NLRP14: variants seen among roughly 807,000 people sequenced by gnomAD.
NLRP14 encodes the protein NACHT, LRR and PYD domains-containing protein 14.
NLRP14 carries 105 observed loss-of-function variants against 94.7 expected under a neutral mutation model. That is an observed-to-expected ratio of 1.11 (90% CI 0.95 to 1.30). The LOEUF (loss-of-function observed/expected upper bound fraction) is 1.30. NLRP14 is among the 50% of genes most tolerant of loss of function. The probability of loss-of-function intolerance (pLI) is 0.00; values close to 1 mark genes in which losing one functional copy is unlikely to be tolerated. For synonymous variants in NLRP14, 508 were observed against 459.9 expected, an observed-to-expected ratio of 1.10 and a Z score of -1.34; for missense variants, 1,362 against 1,254.1, an observed-to-expected ratio of 1.09 and a Z score of -1.30.
chr11:7,022,126 G>GT, intron 1 of NLRP14, among the ~76,000 whole-genome samples: 1 of 152,264 alleles, frequency 6.6e-6, no homozygotes, highest in East Asian at 1.9e-4. Flanking sequence ...TTTAGCAGGG[G>GT]TGCCCGGCCT....
chr11:7,036,032 A>AG (rs1405963993), intron 1 of NLRP14, among the ~76,000 whole-genome samples: 1 of 152,240 alleles, frequency 6.6e-6, no homozygotes, highest in Non-Finnish European at 1.5e-5. Context: ...TCAAACTTTC[A>AG]GGTCTGTTTT....
Position 7,057,745 on chromosome 11 carries a change from G to C in NLRP14, c.2360G>C (p.Ser787Thr). The C allele has an allele frequency of 6.2e-7, 1 of 1,612,234 alleles. No individual in the cohort carries two copies. Among genetic ancestry groups the C allele is most frequent in the South Asian group, 1.1e-5 (1 of 91,050 alleles). Reference protein sequence around the residue: ...NISNALIRSQSLIFLNLSTNN... With the variant: ...NISNALIRSQTLIFLNLSTNN... ...TCTAATGCTCTCATCAGAAGCCAGA[G>C]CCTGATATTTCTGAATCTGTCAACC... The change falls in exon 7 of 12, where the codon AGC becomes ACC. Residue 787 changes from serine (S) to threonine (T), a missense_variant. Coordinates refer to ENST00000299481, the MANE Select transcript of NLRP14 (RefSeq NM_176822.4).
chr11:7,027,294 A>G (rs938386675), intron 1 of NLRP14, among the ~76,000 whole-genome samples: 1 of 151,992 alleles, frequency 6.6e-6, no homozygotes, highest in Non-Finnish European at 1.5e-5. Flanking sequence ...GATGGTTGAC[A>G]ATGACAGAAA....
chr11:7,070,276 T>C lies in NLRP14; in HGVS notation c.2976-10T>C. ...AATTCATTTTTATCTTTTGTCTCTC[T>C]TCTCTACAGGTTGGAATACTGTGGT... On this transcript the variant is annotated splice_polypyrimidine_tract_variant and intron_variant, in intron 10 of 11. Transcript: ENST00000299481. The C allele has an allele frequency of 6.2e-7, 1 of 1,600,020 alleles. No individual in the cohort carries two copies. Among genetic ancestry groups the C allele is most frequent in the East Asian group, 2.2e-5 (1 of 44,712 alleles).
At chr11:7,036,258 C>G (rs1852158002) in intron 1 of NLRP14, among the ~76,000 whole-genome samples, 1 of 152,158 alleles carries the variant, frequency 6.6e-6, no homozygotes, top group Non-Finnish European at 1.5e-5. Context: ...ATAAGAGAAA[C>G]AGTGCCAAAC....
intron 5 of NLRP14, among the ~76,000 whole-genome samples, chr11:7,048,594 C>A (rs952394969): frequency 2.6e-5 from 4 of 152,112 alleles, no homozygotes; most frequent in African/African-American, 9.7e-5. Context: ...CCTTAGATTT[C>A]AAGCATCTAG....
chr11:7,088,212 C>T, the NLRP14 span, among the ~76,000 whole-genome samples: 1 of 152,038 alleles, frequency 6.6e-6, no homozygotes, highest in Non-Finnish European at 1.5e-5. Context: ...CAAGTCTCAA[C>T]GAAAAACAAT....
At chr11:7,090,793 GCAAA>G in the NLRP14 span, 3 of 171,570 alleles carry the variant, frequency 1.7e-5, no homozygotes, top group Non-Finnish European at 2.8e-5. Context: ...GTATTAAAAA[GCAAA>G]CAACCAGCAA....
chr11:7,088,926 C>A, the NLRP14 span: 1 of 640,378 alleles, frequency 1.6e-6, no homozygotes. Context: ...GCGAATTGGC[C>A]CTCTGGAAAC....
At chr11:7,089,393 C>G in the NLRP14 span, 2 of 1,597,160 alleles carry the variant, frequency 1.3e-6, no homozygotes, top group African/African-American at 2.7e-5. Context: ...CGTTCGAGAG[C>G]AGCCGGCGGG....
At chr11:7,066,081 G>C (rs193027213) in intron 10 of NLRP14, among the ~76,000 whole-genome samples, 1 of 152,122 alleles carries the variant, frequency 6.6e-6, no homozygotes, top group African/African-American at 2.4e-5. Context: ...GTGTATATGT[G>C]CCACATTTTC....
At chr11:7,044,436 C>T (rs922092629) in intron 4 of NLRP14, among the ~76,000 whole-genome samples, 8 of 152,132 alleles carry the variant, frequency 5.3e-5, no homozygotes, top group Non-Finnish European at 1.2e-4. Context: ...TATTATATTC[C>T]TCCGTACTCC....
At chr11:7,024,779 G>T (rs1197903445) in intron 1 of NLRP14, among the ~76,000 whole-genome samples, 1 of 75,818 alleles carries the variant, frequency 1.3e-5, no homozygotes, top group South Asian at 5.3e-4. Flanking sequence ...AAAAAAGTAT[G>T]TATTTCTAAT....
chr11:7,066,228 A>G (rs1384172024), intron 10 of NLRP14, among the ~76,000 whole-genome samples: 1 of 152,202 alleles, frequency 6.6e-6, no homozygotes, highest in Admixed American at 6.5e-5. Context: ...ATACCCAGTA[A>G]TGTGATTGCT....
At chr11:7,040,097 T>G (rs140366729) in intron 3 of NLRP14, among the ~76,000 whole-genome samples, 1 of 152,366 alleles carries the variant, frequency 6.6e-6, no homozygotes, top group Non-Finnish European at 1.5e-5. Context: ...AACTTTCAGT[T>G]TATCACATCT....
intron 6 of NLRP14, among the ~76,000 whole-genome samples, chr11:7,051,539 A>G (rs895782917): frequency 2.6e-5 from 4 of 152,246 alleles, no homozygotes; most frequent in African/African-American, 9.6e-5. Context: ...ATTTAAAAAT[A>G]AAATACCTTC....
chr11:7,068,563 A>G (rs755798317), intron 10 of NLRP14, among the ~76,000 whole-genome samples: 2 of 152,202 alleles, frequency 1.3e-5, no homozygotes, highest in African/African-American at 2.4e-5. Flanking sequence ...CTGAGAACAT[A>G]CTGTGCATGA....
downstream of NLRP14, among the ~76,000 whole-genome samples, chr11:7,074,013 C>A (rs1270672724): frequency 6.6e-6 from 1 of 152,152 alleles, no homozygotes; most frequent in Non-Finnish European, 1.5e-5. Context: ...GTTGGTTCTC[C>A]TAGCAACCAG....
In NLRP14 at chr11:7,042,625, G is replaced by A. The variant is rs1436824580; in HGVS notation, c.599G>A (p.Trp200Ter). The change falls in exon 4 of 12, where the codon TGG becomes TAG. Residue 200 changes from tryptophan (W) to a stop codon, truncating the protein, a stop_gained. Transcript: ENST00000299481. LOFTEE classifies it high-confidence loss of function. ...TTLVRKAMLD[W>*]AEGSLYQQRF... ...TTGGTGAGAAAGGCAATGTTAGATT[G>A]GGCAGAGGGCAGTCTCTACCAGCAG... 2.5e-6 allele frequency: 4 copies of A among 1,614,082 alleles called. No individual in the cohort carries two copies. In the East Asian group the frequency reaches 6.7e-5, roughly 27 times the overall value.
Sources: allele counts gnomAD v4.1 joint callset (sites outside exome capture counted in the v4.1 genomes callset), GRCh38; gene constraint gnomAD v4.1.1; transcripts MANE v1.5; gene names NCBI Gene and HGNC (gene_info 2026-07-23, HGNC 2026-07-21).